Variants in UGT3A2 observed in about 807,000 individuals in gnomAD.
UGT3A2 encodes UDP glycosyltransferase family 3 member A2, also known as UDP-glycosyltransferase 3A2.
A neutral mutation model predicts 39.8 loss-of-function variants in UGT3A2; 32 were observed. The ratio of observed to expected loss-of-function variants is 0.80; its 90% CI spans 0.61 to 1.08. UGT3A2 has a LOEUF of 1.08. Among genes scored for constraint, UGT3A2 ranks in the 50% least tolerant of loss-of-function variants. The pLI, the probability that UGT3A2 is intolerant of heterozygous loss-of-function variation, is 0.00. For synonymous variants in UGT3A2, 241 were observed against 230.7 expected, an observed-to-expected ratio of 1.04 and a Z score of -0.40; for missense variants, 611 against 637.1, an observed-to-expected ratio of 0.96 and a Z score of 0.44.
chr5:36,038,104 G>A (rs1251858491), intron 5 of UGT3A2, 88 bp from the exon 6 acceptor site: 2 of 1,369,218 alleles, frequency 1.5e-6, no homozygotes, highest in Non-Finnish European at 9.9e-7. Context: ...AAAGTGCCAA[G>A]GGGATCTAGT....
intron 1 of UGT3A2, among the ~76,000 whole-genome samples, chr5:36,064,956 C>T (rs1241479168): frequency 6.6e-6 from 1 of 152,136 alleles, no homozygotes; most frequent in African/African-American, 2.4e-5. Context: ...ACACAATGAT[C>T]AAGTTCTAAT....
intron 2 of UGT3A2, among the ~76,000 whole-genome samples, chr5:36,060,968 GA>G (rs1335494272): frequency 6.6e-6 from 1 of 152,096 alleles, no homozygotes; most frequent in Non-Finnish European, 1.5e-5. Context: ...CCGGCCTGGC[GA>G]ACATGGCAAA....
chr5:36,050,019 C>T (rs1408060675), intron 3 of UGT3A2, among the ~76,000 whole-genome samples: 1 of 151,776 alleles, frequency 6.6e-6, no homozygotes, highest in East Asian at 1.9e-4. Context: ...AAAATAAAAG[C>T]AAAAGGAACC....
At chr5:36,058,813 T>C (rs1237108864) in intron 2 of UGT3A2, among the ~76,000 whole-genome samples, 1 of 152,168 alleles carries the variant, frequency 6.6e-6, no homozygotes, top group African/African-American at 2.4e-5. Context: ...GTAATGACGG[T>C]CTCAAGTAGT....
chr5:36,048,999 CT>C lies in UGT3A2; in HGVS notation c.732del (p.Glu245SerfsTer27). 1 of 1,614,200 alleles carries C rather than the reference CT, an allele frequency of 6.2e-7. No homozygotes were observed. Among genetic ancestry groups the C allele is most frequent in the Non-Finnish European group, 8.5e-7 (1 of 1,180,040 alleles). On this transcript the variant is annotated frameshift_variant, in exon 4 of 7. Coordinates refer to ENST00000282507, the MANE Select transcript of UGT3A2 (RefSeq NM_174914.4). LOFTEE classifies it high-confidence loss of function. ...AAGTCAGAGTTAATGAACCACAACTCTGCTTTCAGTAGAAGATGAGACAAAA... is the reference window on the plus strand; with the variant it reads ...AAGTCAGAGTTAATGAACCACAACTCGCTTTCAGTAGAAGATGAGACAAAA... Reference protein sequence around the residue: ...RPVLSHLLLKAELWFINSDFA... With the variant: ...RPVLSHLLLKXELWFINSDFA...
chr5:36,061,379 A>G (rs1173273741), intron 2 of UGT3A2, among the ~76,000 whole-genome samples: 1 of 128,628 alleles, frequency 7.8e-6, no homozygotes, highest in Non-Finnish European at 1.7e-5. Context: ...TCCCAATGCT[A>G]TCCCTCCCCC....
chr5:36,049,517 A>C, intron 3 of UGT3A2, 97 bp from the exon 4 acceptor site: 2 of 981,472 alleles, frequency 2.0e-6, no homozygotes, highest in Non-Finnish European at 2.9e-6. Context: ...CCAGGAAAGC[A>C]ACAACCTTTC....
At chr5:36,054,871 T>G (rs1742456005) in intron 2 of UGT3A2, among the ~76,000 whole-genome samples, 1 of 152,172 alleles carries the variant, frequency 6.6e-6, no homozygotes, top group African/African-American at 2.4e-5. Flanking sequence ...AATCGTTGCA[T>G]GTGGTTACAG....
Position 36,051,901 on chromosome 5 carries a change from CA to C in UGT3A2, c.279del (p.Phe93LeufsTer9). On this transcript the variant is annotated frameshift_variant, in exon 3 of 7. Coordinates refer to ENST00000282507, the MANE Select transcript of UGT3A2 (RefSeq NM_174914.4). LOFTEE classifies it high-confidence loss of function. ...CCTAAAGTTTCTTCCAGAAAGAAAT[CA>C]AAACTCTTTTTAAATTCTCTTTGAT... ...EDHQREFKKS[F>X]DFFLEETLGG... 1 of 1,592,638 alleles carries C rather than the reference CA, an allele frequency of 6.3e-7. No homozygotes were observed. The highest frequency in any genetic ancestry group is 8.5e-7 in the Non-Finnish European group (1 of 1,174,492).
At chr5:36,041,476 G>A (rs1554077877) in intron 4 of UGT3A2, among the ~76,000 whole-genome samples, 1 of 151,940 alleles carries the variant, frequency 6.6e-6, no homozygotes, top group Non-Finnish European at 1.5e-5. Flanking sequence ...ACAATTTCAG[G>A]GGAGGTGGTC....
At chr5:36,044,899 C>T (rs1742119824) in intron 4 of UGT3A2, among the ~76,000 whole-genome samples, 1 of 152,090 alleles carries the variant, frequency 6.6e-6, no homozygotes, top group Non-Finnish European at 1.5e-5. Flanking sequence ...GTTAAAATGT[C>T]CATACTACCC....
intron 4 of UGT3A2, among the ~76,000 whole-genome samples, chr5:36,043,119 C>G (rs1011084245): frequency 6.6e-6 from 1 of 151,886 alleles, no homozygotes; most frequent in African/African-American, 2.4e-5. Flanking sequence ...TAAGTATAGA[C>G]CATACATTAG....
chr5:36,064,344 C>G lies in UGT3A2; in HGVS notation c.101G>C (p.Ser34Thr). 6.2e-7 allele frequency: 1 copy of G among 1,614,014 alleles called. No individual in the cohort carries two copies. The highest frequency in any genetic ancestry group is 8.5e-7 in the Non-Finnish European group (1 of 1,179,904). The change falls in exon 2 of 7, where the codon AGC (serine) becomes ACC (threonine). Residue 34 changes from serine to threonine, a missense_variant. Ser to Thr is a moderately conservative substitution (Grantham distance 58, BLOSUM62 1). Transcript: ENST00000282507. Reference sequence around the variant, plus strand: ...AACCCGGTCCATCAGTAGATAATGGCTTCCACCTAGGAACAATGCACAACT... The same window carrying G: ...AACCCGGTCCATCAGTAGATAATGGGTTCCACCTAGGAACAATGCACAACT... ...KILTISTVGG[S>T]HYLLMDRVSQ...
Position 36,064,259 on chromosome 5 carries a change from A to G in UGT3A2, c.186T>C (p.Pro62=). ...AGTGAGAAAAGATACCTGGCATAAA[A>G]GGACCTCTTTTGTGGTTAAGCATGG... is the stretch of plus-strand genomic sequence containing the variant. ...NVTMLNHKRG[P]FMPDFKKEEK... Residue 62 remains proline (P), a synonymous_variant, in exon 2 of 7, where the codon CCT becomes CCC. Coordinates refer to ENST00000282507, the MANE Select transcript of UGT3A2 (RefSeq NM_174914.4). The G allele has an allele frequency of 6.2e-7, 1 of 1,614,070 alleles. No individual in the cohort carries two copies. The highest frequency in any genetic ancestry group is 8.5e-7 in the Non-Finnish European group (1 of 1,179,940).
chr5:36,057,870 A>G (rs79094326), intron 2 of UGT3A2, among the ~76,000 whole-genome samples: 2,071 of 152,310 alleles, frequency 0.014, 54 homozygotes, highest in African/African-American at 0.048. Flanking sequence ...TGGAAATGTC[A>G]TCATTAATTT....
At position 36,039,656 on chromosome 5, in the gene UGT3A2, G is replaced by T; in HGVS notation, c.896C>A (p.Thr299Asn). ...KFGDSGFVLV[T>N]LGSMVNTCQN... ...ACAGGTGTTCACCATGGAGCCCAAG[G>T]TCACAAGGACAAAACCAGAGTCCCC... Residue 299 changes from threonine (T) to asparagine (N), a missense_variant, in exon 5 of 7, where the codon ACC (threonine) becomes AAC (asparagine). Transcript: ENST00000282507. The T allele has an allele frequency of 6.2e-7, 1 of 1,614,178 alleles. No individual in the cohort carries two copies. The highest frequency in any genetic ancestry group is 1.1e-5 in the South Asian group (1 of 91,086).
At chr5:36,062,838 G>A (rs1374089818) in intron 2 of UGT3A2, among the ~76,000 whole-genome samples, 10 of 152,118 alleles carry the variant, frequency 6.6e-5, no homozygotes, top group African/African-American at 2.2e-4. Context: ...TCAGGAGTTC[G>A]AGACTAGCCT....
chr5:36,065,862 T>C (rs1261710816), intron 1 of UGT3A2, among the ~76,000 whole-genome samples: 3 of 152,124 alleles, frequency 2.0e-5, no homozygotes, highest in Non-Finnish European at 4.4e-5. Context: ...GCCCTAATTC[T>C]CCATGATCTA....
chr5:36,042,640 AAC>A (rs1308485360), intron 4 of UGT3A2, among the ~76,000 whole-genome samples: 1 of 152,190 alleles, frequency 6.6e-6, no homozygotes, highest in African/African-American at 2.4e-5. Context: ...GCCTCCAAGA[AAC>A]ACACTGCCTA....
Sources: allele counts gnomAD v4.1 joint callset (sites outside exome capture counted in the v4.1 genomes callset), GRCh38; gene constraint gnomAD v4.1.1; transcripts MANE v1.5; gene names NCBI Gene and HGNC (gene_info 2026-07-23, HGNC 2026-07-21).